The following MYO3A variants were observed in gnomAD, a reference collection of about 807,000 sequenced individuals.
MYO3A encodes myosin-IIIa.
In MYO3A, 180 loss-of-function variants were observed where a neutral mutation model predicts 192.7. That is an observed-to-expected ratio of 0.93 (90% confidence interval 0.83 to 1.06). The LOEUF (loss-of-function observed/expected upper bound fraction) is 1.06, where lower values mean the gene tolerates loss of function less well. MYO3A is among the 50% of genes least tolerant of loss of function. The pLI, the probability that MYO3A is intolerant of heterozygous loss-of-function variation, is 0.00. For missense variants in MYO3A, 1,896 were observed against 1,905.0 expected (o/e 1.00, Z 0.09); for synonymous variants, 628 against 645.3 (o/e 0.97, Z 0.41).
In MYO3A at chr10:26,125,470, G is replaced by A; in HGVS notation, c.1976G>A (p.Gly659Glu). The change falls in exon 19 of 35, where the codon GGA becomes GAA. Residue 659 changes from glycine to glutamate, a missense_variant. Coordinates refer to ENST00000642920, the MANE Select transcript of MYO3A (RefSeq NM_017433.5). ...ALTSHCVVTR[G>E]ETIIRPNTVE... ...ACCTCCCACTGTGTGGTCACTAGAG[G>A]AGAAACAATTATACGACCCAATACT... 1 of 1,614,062 alleles carries A rather than the reference G, an allele frequency of 6.2e-7. No homozygotes were observed. The highest frequency in any genetic ancestry group is 8.5e-7 in the Non-Finnish European group (1 of 1,179,938).
chr10:26,194,542 C>G (rs1411178167), intron 32 of MYO3A, among the ~76,000 whole-genome samples: 1 of 152,154 alleles, frequency 6.6e-6, no homozygotes, highest in East Asian at 1.9e-4. Flanking sequence ...CCTGGAGAAC[C>G]CAGAGGATGT....
chr10:26,045,371 TA>T (rs1843580628), intron 10 of MYO3A, among the ~76,000 whole-genome samples: 6 of 24,502 alleles, frequency 2.4e-4, no homozygotes, highest in Admixed American at 2.3e-3. Context: ...TGGCATTAGA[TA>T]GATAGATAGA....
At chr10:25,964,569 G>A (rs1484632738) in intron 4 of MYO3A, among the ~76,000 whole-genome samples, 1 of 152,000 alleles carries the variant, frequency 6.6e-6, no homozygotes, top group Non-Finnish European at 1.5e-5. Flanking sequence ...AAAAGTTGTT[G>A]CAGTTATTAT....
intron 6 of MYO3A, among the ~76,000 whole-genome samples, chr10:26,003,996 G>A (rs950078727): frequency 5.9e-5 from 9 of 152,120 alleles, no homozygotes; most frequent in Admixed American, 1.3e-4. Context: ...CAGTACACCC[G>A]AACTTAAAAA....
intron 29 of MYO3A, among the ~76,000 whole-genome samples, chr10:26,171,788 T>C (rs951103598): frequency 1.3e-5 from 2 of 152,194 alleles, no homozygotes; most frequent in Non-Finnish European, 2.9e-5. Context: ...AAATATAAAC[T>C]GGCTGCAAAT....
intron 4 of MYO3A, among the ~76,000 whole-genome samples, chr10:25,961,013 A>G (rs554307618): frequency 2.1e-4 from 32 of 152,318 alleles, no homozygotes; most frequent in African/African-American, 5.8e-4. Flanking sequence ...GCCTTACATT[A>G]ATGGATAATT....
Position 26,212,221 on chromosome 10 carries a change from C to T in MYO3A, c.*258C>T. ...CGCACCCTCCTTTCTCACCAGCCCG[C>T]CAGTTGTGGCAACCCTGTCCTTGTT... On this transcript the variant is annotated 3_prime_UTR_variant, in exon 35 of 35. Transcript: ENST00000642920. 1.9e-6 allele frequency: 1 copy of T among 522,950 alleles called. No homozygotes were observed. 32.4% of individuals were successfully genotyped at this position (522,950 alleles called of 1,614,324 possible).
chr10:25,984,317 T>A (rs2130813735), intron 4 of MYO3A, among the ~76,000 whole-genome samples: 1 of 152,158 alleles, frequency 6.6e-6, no homozygotes, highest in South Asian at 2.1e-4. Context: ...TGATACAGAG[T>A]GACAGAATGG....
chr10:26,187,953 T>C (rs374878220), intron 31 of MYO3A, among the ~76,000 whole-genome samples: 2 of 152,142 alleles, frequency 1.3e-5, no homozygotes, highest in East Asian at 1.9e-4. Flanking sequence ...AATAAACATA[T>C]GTGTGCATGT....
intron 4 of MYO3A, among the ~76,000 whole-genome samples, chr10:25,964,675 C>T (rs1838153510): frequency 6.6e-6 from 1 of 152,090 alleles, no homozygotes; most frequent in African/African-American, 2.4e-5. Flanking sequence ...TCTCTGTGTA[C>T]TACTATTACC....
chr10:26,000,919 G>A (rs1338305816), intron 6 of MYO3A, among the ~76,000 whole-genome samples: 3 of 152,134 alleles, frequency 2.0e-5, no homozygotes, highest in African/African-American at 4.8e-5. Flanking sequence ...TTACAATCAT[G>A]GCAGGAGGGC....
chr10:25,971,283 AATATGTCACATTTCTAT>A (rs1433595855), intron 4 of MYO3A, among the ~76,000 whole-genome samples: 1 of 152,192 alleles, frequency 6.6e-6, no homozygotes, highest in Non-Finnish European at 1.5e-5. Context: ...GCAATTGTTA[AATATGTCACATTTCTAT>A]ATATTGTAGG....
At chr10:25,982,399 T>C (rs560065089) in intron 4 of MYO3A, among the ~76,000 whole-genome samples, 9 of 152,084 alleles carry the variant, frequency 5.9e-5, no homozygotes, top group Non-Finnish European at 1.0e-4. Flanking sequence ...TGAATACCTA[T>C]CCAGGTGTCC....
intron 15 of MYO3A, among the ~76,000 whole-genome samples, chr10:26,095,272 G>T (rs1447871424): frequency 6.6e-6 from 1 of 152,152 alleles, no homozygotes; most frequent in Non-Finnish European, 1.5e-5. Context: ...AGTCCTTCTG[G>T]TTGAGACATA....
At chr10:25,973,076 A>G (rs770766876) in intron 4 of MYO3A, among the ~76,000 whole-genome samples, 2 of 152,206 alleles carry the variant, frequency 1.3e-5, no homozygotes, top group Non-Finnish European at 2.9e-5. Context: ...TTTGGGCAGT[A>G]TGGTCATTTT....
intron 4 of MYO3A, among the ~76,000 whole-genome samples, chr10:25,989,003 G>A (rs1839843009): frequency 6.9e-6 from 1 of 145,096 alleles, no homozygotes; most frequent in African/African-American, 2.6e-5. Context: ...CGCCTAGGCT[G>A]GGGTGCAGTA....
Position 26,125,621 on chromosome 10 carries a change from AC to A in MYO3A, c.2114+14del, listed in dbSNP as rs1226244884. 6.2e-7 allele frequency: 1 copy of A among 1,609,556 alleles called. No individual in the cohort carries two copies. The highest frequency in any genetic ancestry group is 8.5e-7 in the Non-Finnish European group (1 of 1,176,078). Reference sequence around the variant, plus strand: ...ACTCATCACCAAGGTAAAAATTTTTACAGAAACATTTTTTTCCCAAATGTCA... The same window carrying A: ...ACTCATCACCAAGGTAAAAATTTTTAAGAAACATTTTTTTCCCAAATGTCA... On this transcript the variant is annotated intron_variant, in intron 19 of 34. Coordinates refer to ENST00000642920, the MANE Select transcript of MYO3A (RefSeq NM_017433.5).
intron 2 of MYO3A, among the ~76,000 whole-genome samples, chr10:25,940,441 A>T (rs1220846923): frequency 1.3e-5 from 2 of 152,116 alleles, no homozygotes; most frequent in African/African-American, 4.8e-5. Context: ...AACGTAGAAC[A>T]TTTTAAATCC....
Position 26,088,343 on chromosome 10 carries a change from G to T in MYO3A, c.1500G>T (p.Ala500=). The change falls in exon 15 of 35, where the codon GCG becomes GCT. Residue 500 remains alanine, a synonymous_variant. Coordinates refer to ENST00000642920, the MANE Select transcript of MYO3A (RefSeq NM_017433.5). Reference sequence around the variant, plus strand: ...AAATGAAATTCACCTCTTCTGGAGCGGTAGTGGGAGCACAGATTTCTGAAT... The same window carrying T: ...AAATGAAATTCACCTCTTCTGGAGCTGTAGTGGGAGCACAGATTTCTGAAT... ...YLEMKFTSSG[A]VVGAQISEYL... 1 of 1,613,830 alleles carries T rather than the reference G, an allele frequency of 6.2e-7. No homozygotes were observed. The highest frequency in any genetic ancestry group is 8.5e-7 in the Non-Finnish European group (1 of 1,179,846).
Sources: allele counts gnomAD v4.1 joint callset (sites outside exome capture counted in the v4.1 genomes callset), GRCh38; gene constraint gnomAD v4.1.1; transcripts MANE v1.5; gene names NCBI Gene and HGNC (gene_info 2026-07-23, HGNC 2026-07-21).